The following TMEM114 variants were observed in gnomAD, a reference collection of about 807,000 sequenced individuals.
TMEM114 encodes transmembrane protein 114.
TMEM114 carries 6 observed loss-of-function variants against 6.2 expected under a neutral mutation model. That is an observed-to-expected ratio of 0.97 (90% CI 0.53 to 1.91). TMEM114 has a LOEUF of 1.91. Among genes scored for constraint, TMEM114 ranks in the 40% most tolerant of loss-of-function variants. The pLI is 0.01. For synonymous variants in TMEM114, 104 were observed against 73.0 expected (o/e 1.42, Z -2.16); for missense variants, 218 against 158.3 (o/e 1.38, Z -2.02).
rs1309677553 is a variant in TMEM114 at position 8,563,501 on chromosome 16, G to C, written n.213-25675C>G. Reference sequence around the variant, plus strand: ...AGTGAGTAAGTGAATGAGTGACTGAGGGAGGGAGGAAAAGAGTGAGTGAAT... The same window carrying C: ...AGTGAGTAAGTGAATGAGTGACTGACGGAGGGAGGAAAAGAGTGAGTGAAT... On this transcript the variant is annotated intron_variant and non_coding_transcript_variant, in intron 2 of 2. Transcript: ENST00000623677. Among the ~76,000 whole-genome samples, 8 of 151,010 alleles carry C rather than the reference G, an allele frequency of 5.3e-5. 1 individual carries two copies. The highest frequency in any genetic ancestry group is 2.0e-4 in the African/African-American group (8 of 40,366).
intron 2 of TMEM114, among the ~76,000 whole-genome samples, chr16:8,558,144 T>C (rs756125633): frequency 6.6e-6 from 1 of 151,996 alleles, no homozygotes; most frequent in Non-Finnish European, 1.5e-5. Context: ...TCCCAGCTAC[T>C]AGGGAGGCTG....
At chr16:8,541,688 A>C (rs188758150) in intron 2 of TMEM114, among the ~76,000 whole-genome samples, 566 of 152,354 alleles carry the variant, frequency 3.7e-3, no homozygotes, top group Non-Finnish European at 5.9e-3. Flanking sequence ...GAGAAACAGC[A>C]GTCTGTTTTA....
intron 2 of TMEM114, among the ~76,000 whole-genome samples, chr16:8,540,415 G>C (rs932375962): frequency 3.9e-5 from 6 of 152,154 alleles, no homozygotes; most frequent in Admixed American, 6.5e-5. Context: ...GAGTGATGAT[G>C]ATTGCATTGA....
downstream of TMEM114, among the ~76,000 whole-genome samples, chr16:8,567,066 ATT>A (rs34500863): frequency 0.17 from 24,402 of 144,334 alleles, 2,291 homozygotes; most frequent in Middle Eastern, 0.22. Flanking sequence ...ACAGCTGGCT[ATT>A]TTTTTTTTTT....
chr16:8,551,626 C>T (rs185055384), intron 2 of TMEM114, among the ~76,000 whole-genome samples: 2 of 152,338 alleles, frequency 1.3e-5, no homozygotes, highest in South Asian at 2.1e-4. Flanking sequence ...TGACAAGAAA[C>T]ATTGACTTTC....
At chr16:8,565,368 T>C (rs945417329), downstream of TMEM114, among the ~76,000 whole-genome samples, 68 of 152,006 alleles carry the variant, frequency 4.5e-4, no homozygotes, top group Admixed American at 1.3e-3. Flanking sequence ...AATGAATGAG[T>C]GAATAAATGA....
At chr16:8,544,852 T>C (rs1475799426) in intron 2 of TMEM114, among the ~76,000 whole-genome samples, 1 of 152,108 alleles carries the variant, frequency 6.6e-6, no homozygotes, top group Non-Finnish European at 1.5e-5. Context: ...CATACACTGC[T>C]CCCCTCAGAG....
chr16:8,549,995 G>T (rs112362058), intron 2 of TMEM114, among the ~76,000 whole-genome samples: 11,343 of 152,268 alleles, frequency 0.074, 509 homozygotes, highest in Middle Eastern at 0.18. Flanking sequence ...TCAGTCTGTA[G>T]CCAAAGGCCC....
rs553644920 is a variant in TMEM114, at chr16:8,560,677, C to T, written n.213-22851G>A. Among the ~76,000 whole-genome samples the T allele has an allele frequency of 2.0e-5, 3 of 152,290 alleles. No individual in the cohort carries two copies. The South Asian group carries it at 6.2e-4, about 32-fold the overall frequency. On this transcript the variant is annotated intron_variant and non_coding_transcript_variant, in intron 2 of 2. Coordinates refer to the TMEM114 transcript ENST00000623677. Reference sequence around the variant, plus strand: ...AGAGCAAGTCTTCTCCTTCTGTGGGCCTCAGGCTCCTGTCTGTCATTCAGG... The same window carrying T: ...AGAGCAAGTCTTCTCCTTCTGTGGGTCTCAGGCTCCTGTCTGTCATTCAGG...
chr16:8,533,102 G>C (rs567935525), downstream of TMEM114, among the ~76,000 whole-genome samples: 6 of 152,218 alleles, frequency 3.9e-5, 1 homozygote, highest in African/African-American at 1.4e-4. Context: ...AAAGTCCAAA[G>C]CTTACATTGG....
At chr16:8,588,876 C>G (rs940236211) in intron 2 of TMEM114, among the ~76,000 whole-genome samples, 2 of 152,234 alleles carry the variant, frequency 1.3e-5, no homozygotes, top group Non-Finnish European at 2.9e-5. Flanking sequence ...CCCTTCCTCA[C>G]GCTGCTGGAC....
chr16:8,584,789 G>A (rs1340423648), intron 2 of TMEM114, among the ~76,000 whole-genome samples: 1 of 152,006 alleles, frequency 6.6e-6, no homozygotes, highest in Non-Finnish European at 1.5e-5. Context: ...GGGTGTGATG[G>A]TGGGCATCTG....
intron 2 of TMEM114, among the ~76,000 whole-genome samples, chr16:8,580,745 C>T (rs1902115050): frequency 6.6e-6 from 1 of 152,164 alleles, no homozygotes; most frequent in African/African-American, 2.4e-5. Context: ...GGCTGAAGTG[C>T]CGTGGGCCTT....
downstream of TMEM114, among the ~76,000 whole-genome samples, chr16:8,533,609 A>G (rs1296460531): frequency 2.6e-5 from 4 of 152,242 alleles, no homozygotes; most frequent in South Asian, 8.3e-4. Flanking sequence ...GCTTTATGGA[A>G]AATTGAATTG....
chr16:8,569,461 G>C, downstream of TMEM114: 1 of 1,198,704 alleles, frequency 8.3e-7, no homozygotes, highest in Non-Finnish European at 1.0e-6. Flanking sequence ...AATGAAGTCG[G>C]AGGGGGCGTG....
intron 2 of TMEM114, among the ~76,000 whole-genome samples, chr16:8,561,927 A>AAT (rs1330923415): frequency 1.0e-4 from 2 of 19,518 alleles, no homozygotes; most frequent in African/African-American, 2.1e-4. Flanking sequence ...TAAGTGAATG[A>AAT]GTGAGTGAGT....
chr16:8,563,421 G>C (rs1455371548), intron 2 of TMEM114, among the ~76,000 whole-genome samples: 3 of 143,180 alleles, frequency 2.1e-5, no homozygotes, highest in Middle Eastern at 3.6e-3. Flanking sequence ...TAATTAGTGA[G>C]TGAATGAGTG....
At chr16:8,560,084 C>T (rs893423607) in intron 2 of TMEM114, among the ~76,000 whole-genome samples, 1 of 152,180 alleles carries the variant, frequency 6.6e-6, no homozygotes, top group African/African-American at 2.4e-5. Flanking sequence ...GCAGCCTCGA[C>T]CTCCTAGGCT....
chr16:8,554,411 T>A (rs8056010), intron 2 of TMEM114, among the ~76,000 whole-genome samples: 151,811 of 151,954 alleles, frequency 1, 75,836 homozygotes, highest in Admixed American at 1. Context: ...ATAATAATAA[T>A]AATAATAATA....
Sources: allele counts gnomAD v4.1 joint callset (sites outside exome capture counted in the v4.1 genomes callset), GRCh38; gene constraint gnomAD v4.1.1; transcripts MANE v1.5; gene names NCBI Gene and HGNC (gene_info 2026-07-23, HGNC 2026-07-21).